The following SPAG6 variants were observed in gnomAD, a reference collection of about 807,000 sequenced individuals.
SPAG6 encodes sperm-associated antigen 6.
SPAG6 carries 49 observed loss-of-function variants against 58.5 expected under a neutral mutation model. The observed-to-expected ratio is 0.84, with a 90% CI of 0.67 to 1.06. The LOEUF is 1.06. Ranked by LOEUF, SPAG6 falls within the 50% of genes least tolerant of loss-of-function variation. SPAG6 has a pLI of 0.00. For synonymous variants in SPAG6, 233 were observed against 225.6 expected (o/e 1.03, Z -0.29); for missense variants, 560 against 611.3 (o/e 0.92, Z 0.89).
At chr10:22,410,238 T>G (rs144349083) in intron 9 of SPAG6, among the ~76,000 whole-genome samples, 83 of 152,344 alleles carry the variant, frequency 5.4e-4, no homozygotes, top group African/African-American at 1.7e-3. Flanking sequence ...AAACATTTGT[T>G]GAACCTCTGT....
In SPAG6 at chr10:22,368,651, C is replaced by T; in HGVS notation, c.445C>T (p.Leu149Phe). The change falls in exon 4 of 11, where the codon CTT (leucine) becomes TTT (phenylalanine). Residue 149 changes from leucine (L) to phenylalanine (F), a missense_variant. Transcript: ENST00000376624. ...PGVKEAAAWALRYIARHNAEL... is the reference protein window; with the variant it reads ...PGVKEAAAWAFRYIARHNAEL... ...AGTCAAGGAGGCTGCAGCCTGGGCA[C>T]TTAGATATATTGCAAGACATAATGC... 6.2e-7 allele frequency: 1 copy of T among 1,613,302 alleles called. No homozygotes were observed. Among genetic ancestry groups the T allele is most frequent in the Non-Finnish European group, 8.5e-7 (1 of 1,179,618 alleles).
At chr10:22,385,666 C>G (rs1834048956) in intron 4 of SPAG6, among the ~76,000 whole-genome samples, 1 of 152,136 alleles carries the variant, frequency 6.6e-6, no homozygotes, top group Non-Finnish European at 1.5e-5. Flanking sequence ...ATATTGGACA[C>G]TAACCTGTAT....
chr10:22,391,718 C>A lies in SPAG6; in HGVS notation c.1006-11C>A. ...GATTCATAACACTTGCTCTTTTGATCCACGCTGCAGGGTGTACCCCAGTTG... is the reference window on the plus strand; with the variant it reads ...GATTCATAACACTTGCTCTTTTGATACACGCTGCAGGGTGTACCCCAGTTG... On this transcript the variant is annotated splice_polypyrimidine_tract_variant and intron_variant, in intron 7 of 10. Transcript: ENST00000376624. 6.2e-7 allele frequency: 1 copy of A among 1,611,240 alleles called. No individual in the cohort carries two copies.
chr10:22,357,632 G>A (rs1836904992), intron 2 of SPAG6, among the ~76,000 whole-genome samples: 1 of 151,578 alleles, frequency 6.6e-6, no homozygotes, highest in Non-Finnish European at 1.5e-5. Flanking sequence ...TGTGCACAAT[G>A]TGCAGGTTTG....
intron 9 of SPAG6, among the ~76,000 whole-genome samples, chr10:22,407,276 C>T (rs1363668863): frequency 3.3e-5 from 5 of 151,728 alleles, no homozygotes; most frequent in African/African-American, 7.3e-5. Context: ...CAGCTGGTAT[C>T]GGTTGTTTCT....
chr10:22,383,174 A>C (rs1588656684), intron 4 of SPAG6, among the ~76,000 whole-genome samples: 1 of 152,180 alleles, frequency 6.6e-6, no homozygotes, highest in African/African-American at 2.4e-5. Context: ...TTGAGCATCT[A>C]AGTTGGTACA....
chr10:22,412,682 C>T (rs1299271756), intron 10 of SPAG6, among the ~76,000 whole-genome samples: 2 of 152,152 alleles, frequency 1.3e-5, no homozygotes, highest in Admixed American at 1.3e-4. Flanking sequence ...AGCTATTCTC[C>T]TGCCTCAGCC....
chr10:22,391,693 G>T, intron 7 of SPAG6, 36 bp from the exon 8 acceptor site: 1 of 1,594,792 alleles, frequency 6.3e-7, no homozygotes. Context: ...TCCTGCTCTA[G>T]ATTCATAACA....
intron 7 of SPAG6, 88 bp downstream of exon 7, chr10:22,389,400 A>G: frequency 2.2e-6 from 3 of 1,379,250 alleles, no homozygotes; most frequent in Non-Finnish European, 3.0e-6. Context: ...AATACAAAAT[A>G]TAACTGACTG....
intron 7 of SPAG6, among the ~76,000 whole-genome samples, chr10:22,390,403 G>C (rs1419196911): frequency 1.3e-5 from 2 of 152,102 alleles, no homozygotes; most frequent in Non-Finnish European, 2.9e-5. Context: ...TTGGTCTAAG[G>C]TTGCTGCTGG....
rs1834194552 is a variant in SPAG6 at position 22,391,976 on chromosome 10, T to C, written c.1197+56T>C. The C allele has an allele frequency of 7.0e-6, 8 of 1,138,782 alleles. No individual in the cohort carries two copies. In the South Asian group the frequency reaches 9.7e-5, roughly 14 times the overall value. 70.5% of individuals were successfully genotyped at this position (1,138,782 alleles called of 1,614,324 possible). A position where few individuals can be genotyped will look rare whatever the true frequency, so the allele number is the denominator to read the frequency against. ...TTGGCTCATTTAAAAAATATGTCATTTCAAATCTCTTTGTTTTCATCATGG... is the reference window on the plus strand; with the variant it reads ...TTGGCTCATTTAAAAAATATGTCATCTCAAATCTCTTTGTTTTCATCATGG... On this transcript the variant is annotated intron_variant, in intron 8 of 10. Coordinates refer to ENST00000376624, the MANE Select transcript of SPAG6 (RefSeq NM_012443.4).
chr10:22,388,157 G>A (rs1472197139), intron 6 of SPAG6, among the ~76,000 whole-genome samples, 161 bp downstream of exon 6: 2 of 151,820 alleles, frequency 1.3e-5, no homozygotes, highest in African/African-American at 4.8e-5. Context: ...GTTCTTTGTT[G>A]TGGGGAGCTG....
chr10:22,407,240 C>G (rs1458347914), intron 9 of SPAG6, among the ~76,000 whole-genome samples: 2 of 151,296 alleles, frequency 1.3e-5, no homozygotes, highest in Non-Finnish European at 2.9e-5. Flanking sequence ...TCTCGATGGT[C>G]TTTACATTTT....
chr10:22,362,209 A>T (rs1230614948), intron 2 of SPAG6, among the ~76,000 whole-genome samples: 1 of 147,274 alleles, frequency 6.8e-6, no homozygotes, highest in Non-Finnish European at 1.5e-5. Context: ...CACTTGATAT[A>T]TATGTATATA....
intron 2 of SPAG6, among the ~76,000 whole-genome samples, chr10:22,348,374 T>C (rs1003276518): frequency 6.6e-5 from 10 of 152,250 alleles, no homozygotes; most frequent in Non-Finnish European, 1.2e-4. Flanking sequence ...CCTCAGTATG[T>C]GTAAATCAAT....
chr10:22,377,871 C>T (rs1004721267), intron 4 of SPAG6, among the ~76,000 whole-genome samples: 3 of 152,168 alleles, frequency 2.0e-5, no homozygotes, highest in Non-Finnish European at 4.4e-5. Flanking sequence ...AAGACAGGGA[C>T]TTCTTACCTA....
Position 22,416,603 on chromosome 10 carries a change from GT to G in SPAG6, c.1461-15del, listed in dbSNP as rs1834870046. On this transcript the variant is annotated splice_polypyrimidine_tract_variant and intron_variant, in intron 10 of 10. Transcript: ENST00000376624. ...GATCGTTTCACCAGCATTTAATAGT[GT>G]ATTTTCTTTTTCAGGTATTATTCCC... 6.5e-7 allele frequency: 1 copy of G among 1,535,534 alleles called. No homozygotes were observed. The highest frequency in any genetic ancestry group is 1.7e-5 in the Admixed American group (1 of 59,820).
At chr10:22,380,482 T>G (rs1833926546) in intron 4 of SPAG6, among the ~76,000 whole-genome samples, 1 of 151,976 alleles carries the variant, frequency 6.6e-6, no homozygotes, top group African/African-American at 2.4e-5. Context: ...GTTTTTTTTG[T>G]TTTTTGTAGA....
At chr10:22,368,149 A>G (rs1314358602) in intron 3 of SPAG6, among the ~76,000 whole-genome samples, 1 of 152,238 alleles carries the variant, frequency 6.6e-6, no homozygotes, top group African/African-American at 2.4e-5. Context: ...CCCAAGGGTC[A>G]AACAATACAT....
Sources: allele counts gnomAD v4.1 joint callset (sites outside exome capture counted in the v4.1 genomes callset), GRCh38; gene constraint gnomAD v4.1.1; transcripts MANE v1.5; gene names NCBI Gene and HGNC (gene_info 2026-07-23, HGNC 2026-07-21).